The following PIGO variants were observed in gnomAD, a reference collection of about 807,000 sequenced individuals.
The protein encoded by PIGO is GPI ethanolamine phosphate transferase 3, catalytic subunit.
PIGO carries 66 observed loss-of-function variants against 86.9 expected under a neutral mutation model. That is an observed-to-expected ratio of 0.76 (90% confidence interval 0.62 to 0.93). The LOEUF (loss-of-function observed/expected upper bound fraction) is 0.93, where lower values mean the gene tolerates loss of function less well. Ranked by LOEUF, PIGO falls within the 40% of genes least tolerant of loss-of-function variation. The pLI is 0.00. For synonymous variants in PIGO, 570 were observed against 556.4 expected (o/e 1.02, Z -0.34); for missense variants, 1,202 against 1,359.1 (o/e 0.88, Z 1.82).
rs373701949 is a variant in PIGO, at chr9:35,092,333, T to C, written c.1554A>G (p.Ala518=). The change falls in exon 7 of 11, where the codon GCA becomes GCG. Residue 518 remains alanine, a synonymous_variant. Coordinates refer to ENST00000378617, the MANE Select transcript of PIGO (RefSeq NM_032634.4). Reference sequence around the variant, plus strand: ...ACAGAAAAGGGAGGAATGAGCTCACTGCAGCCACAGCCCCTAGAAGCACTA... The same window carrying C: ...ACAGAAAAGGGAGGAATGAGCTCACCGCAGCCACAGCCCCTAGAAGCACTA... ...LDLVLLGAVA[A]VSSFLPFLWK... is the part of the protein sequence containing the mutation. The C allele has an allele frequency of 3.3e-5, 53 of 1,614,102 alleles. No individual in the cohort carries two copies. The highest frequency in any genetic ancestry group is 4.2e-5 in the Non-Finnish European group (49 of 1,180,048).
At chr9:35,093,811 G>GAATT in intron 4 of PIGO, 90 bp downstream of exon 4, 2 of 1,557,144 alleles carry the variant, frequency 1.3e-6, no homozygotes. Context: ...AGAGAAGACA[G>GAATT]AATTCAGCCA....
Position 35,088,887 on chromosome 9 carries a change from T to C in PIGO, c.*205A>G. ...GAGACCGCCCCCCTTGTCCCTCAGATGCATCCAAATCAGGAGTTAGGGATC... is the reference window on the plus strand; with the variant it reads ...GAGACCGCCCCCCTTGTCCCTCAGACGCATCCAAATCAGGAGTTAGGGATC... On this transcript the variant is annotated 3_prime_UTR_variant, in exon 11 of 11. Transcript: ENST00000378617. The C allele has an allele frequency of 1.5e-6, 1 of 670,692 alleles. No homozygotes were observed. 41.5% of individuals were successfully genotyped at this position (670,692 alleles called of 1,614,324 possible).
At chr9:35,093,657 G>T in intron 4 of PIGO, 77 bp from the exon 5 acceptor site, 1 of 1,478,046 alleles carries the variant, frequency 6.8e-7, no homozygotes, top group Non-Finnish European at 9.0e-7. Flanking sequence ...TTTCTCCAGG[G>T]GCCTATTCAT....
intron 5 of PIGO, 65 bp from the exon 6 acceptor site, chr9:35,093,274 G>A (rs749249709): frequency 6.3e-7 from 1 of 1,578,132 alleles, no homozygotes; most frequent in East Asian, 2.3e-5. Flanking sequence ...TGGGATGGCA[G>A]ACATAGGGGC....
In PIGO at chr9:35,090,450, AAGG is replaced by A. The variant is rs750647319; in HGVS notation, c.2854+13_2854+15del. 1 of 1,601,706 alleles carries A rather than the reference AAGG, an allele frequency of 6.2e-7. No homozygotes were observed. Among genetic ancestry groups the A allele is most frequent in the South Asian group, 1.1e-5 (1 of 90,312 alleles). ...CCAGAGTAAACAATGGAAGCAAGTG[AAGG>A]AGGAGGGGGTACCTGCAAAGAGGAG... On this transcript the variant is annotated intron_variant, in intron 8 of 10. Coordinates refer to ENST00000378617, the MANE Select transcript of PIGO (RefSeq NM_032634.4).
At position 35,094,925 on chromosome 9, in the gene PIGO, TTTC is replaced by T. The variant is rs1032223478; in HGVS notation, c.511+127_511+129del. The T allele has an allele frequency of 1.6e-4, 216 of 1,312,006 alleles. No homozygotes were observed. In the African/African-American group the frequency reaches 2.7e-3, roughly 16 times the overall value. 81.3% of individuals were successfully genotyped at this position (1,312,006 alleles called of 1,614,324 possible). On this transcript the variant is annotated intron_variant, in intron 2 of 10. Coordinates refer to ENST00000378617, the MANE Select transcript of PIGO (RefSeq NM_032634.4). Reference sequence around the variant, plus strand: ...TCCCTACCAGCAGGGCCCTGGCCTCTTTCTTCTCCTCTGTCCCCCTACACCATA... The same window carrying T: ...TCCCTACCAGCAGGGCCCTGGCCTCTTTCTCCTCTGTCCCCCTACACCATA...
chr9:35,092,541 AC>A lies in PIGO; in HGVS notation c.1345del (p.Val449SerfsTer36). 6.2e-7 allele frequency: 1 copy of A among 1,614,202 alleles called. No homozygotes were observed. Among genetic ancestry groups the A allele is most frequent in the Non-Finnish European group, 8.5e-7 (1 of 1,180,014 alleles). On this transcript the variant is annotated frameshift_variant, in exon 7 of 11. Transcript: ENST00000378617. LOFTEE classifies it high-confidence loss of function. Reference protein sequence around the residue: ...CIESWARFSLVRMAGGTALLA... With the variant: ...CIESWARFSLXRMAGGTALLA... ...GAGAGCAGTACCCCCCGCCATGCGG[AC>A]CAGAGAGAAACGAGCCCAAGACTCG...
Position 35,089,088 on chromosome 9 carries a change from T to A in PIGO, c.*4A>T. 1 of 1,614,124 alleles carries A rather than the reference T, an allele frequency of 6.2e-7. No homozygotes were observed. Among genetic ancestry groups the A allele is most frequent in the East Asian group, 2.2e-5 (1 of 44,884 alleles). On this transcript the variant is annotated 3_prime_UTR_variant, in exon 11 of 11. Transcript: ENST00000378617. ...TAGCCAAGTGCCAGTAATCACAGAC[T>A]AGGCTACCTCTGCTGGGCCAGAAAT... is the stretch of plus-strand genomic sequence containing the variant.
chr9:35,093,352 A>T, intron 5 of PIGO, 69 bp downstream of exon 5: 3 of 1,604,270 alleles, frequency 1.9e-6, no homozygotes, highest in Non-Finnish European at 2.6e-6. Flanking sequence ...AGAGGTATTC[A>T]TGAGGATGCT....
chr9:35,095,781 A>C (rs577298886), intron 1 of PIGO: 41 of 579,318 alleles, frequency 7.1e-5, no homozygotes, highest in African/African-American at 6.4e-4. Context: ...TGGGAGGCCG[A>C]GGCGGGCGGA....
chr9:35,091,528 G>T lies in PIGO; in HGVS notation c.2359C>A (p.Pro787Thr). Residue 787 changes from proline (P) to threonine (T), a missense_variant, in exon 7 of 11, where the codon CCC becomes ACC. Pro to Thr is a conservative substitution (Grantham distance 38). Coordinates refer to ENST00000378617, the MANE Select transcript of PIGO (RefSeq NM_032634.4). ...TAATCCAAGTCAGCTTGAGAAGTGG[G>T]GGGGCCTGAGAAGGGAGTGAGGACA... ...RTVLTPFSGP[P>T]TSQADLDYVV... 1 of 1,614,178 alleles carries T rather than the reference G, an allele frequency of 6.2e-7. No homozygotes were observed. Among genetic ancestry groups the T allele is most frequent in the Non-Finnish European group, 8.5e-7 (1 of 1,180,038 alleles).
intron 7 of PIGO, 41 bp from the exon 8 acceptor site, chr9:35,090,713 C>A (rs368591603): frequency 1.3e-6 from 2 of 1,586,132 alleles, no homozygotes; most frequent in African/African-American, 1.3e-5. Context: ...ACTTCTTATT[C>A]CCTAATCCAT....
rs1385641486 is a variant in PIGO at position 35,088,931 on chromosome 9, G to A, written c.*161C>T. ...AGGGATCATACTCCACTGTGGTCCT[G>A]AATTATAGAATAATGAAGTCCTAGA... On this transcript the variant is annotated 3_prime_UTR_variant, in exon 11 of 11. Transcript: ENST00000378617. The A allele has an allele frequency of 4.0e-6, 4 of 1,005,460 alleles. No individual in the cohort carries two copies. The highest frequency in any genetic ancestry group is 1.6e-5 in the South Asian group (1 of 63,348). The allele number at this position is 1,005,460 out of a possible 1,614,324, so 62.3% of individuals were successfully genotyped here.
At position 35,091,806 on chromosome 9, in the gene PIGO, A is replaced by G. The variant is rs1218586312; in HGVS notation, c.2081T>C (p.Leu694Pro). ...VRLWLRRYGN[L>P]KSPEPPMLFV... ...GAGCATGGGTGGCTCGGGGCTCTTG[A>G]GATTACCATAGCGGCGAAGCCACAA... The change falls in exon 7 of 11, where the codon CTC (leucine) becomes CCC (proline). Residue 694 changes from leucine to proline, a missense_variant. Coordinates refer to ENST00000378617, the MANE Select transcript of PIGO (RefSeq NM_032634.4). 2 of 1,613,436 alleles carry G rather than the reference A, an allele frequency of 1.2e-6. No individual in the cohort carries two copies.
intron 9 of PIGO, 89 bp downstream of exon 9, chr9:35,089,977 G>T (rs1166393575): frequency 6.6e-7 from 1 of 1,512,096 alleles, no homozygotes; most frequent in African/African-American, 1.4e-5. Flanking sequence ...CTCAGTCAAG[G>T]CTCTCTCCCA....
chr9:35,090,424 G>A, intron 8 of PIGO, 42 bp downstream of exon 8: 1 of 1,579,322 alleles, frequency 6.3e-7, no homozygotes, highest in African/African-American at 1.4e-5. Flanking sequence ...TTTCCACAAA[G>A]CCAGAGTAAA....
Position 35,096,219 on chromosome 9 carries a change from G to C in PIGO, c.-66C>G, listed in dbSNP as rs1394141987. On this transcript the variant is annotated 5_prime_UTR_variant, in exon 1 of 11. Coordinates refer to ENST00000378617, the MANE Select transcript of PIGO (RefSeq NM_032634.4). ...CCAGTGGAAAGGGATCGAAGCCGCA[G>C]GGGAATCCGGGCCCAGCCGACGGCG... 6.6e-6 allele frequency: 1 copy of C among 152,250 alleles called. No individual in the cohort carries two copies. The highest frequency in any genetic ancestry group is 2.4e-5 in the African/African-American group (1 of 41,460). The allele number at this position is 152,250 out of a possible 1,614,324, so 9.4% of individuals were successfully genotyped here.
chr9:35,092,813 T>C, intron 6 of PIGO, 46 bp from the exon 7 acceptor site: 2 of 1,513,892 alleles, frequency 1.3e-6, no homozygotes, highest in Non-Finnish European at 1.8e-6. Context: ...GTCAGAGACA[T>C]AAATTGGGGC....
intron 7 of PIGO, 21 bp downstream of exon 7, chr9:35,091,219 A>T (rs1349574430): frequency 6.4e-7 from 1 of 1,559,540 alleles, no homozygotes; most frequent in African/African-American, 1.4e-5. Context: ...TCTTTAAGTG[A>T]ATCAGAGCTG....
Sources: allele counts gnomAD v4.1 joint callset, GRCh38; gene constraint gnomAD v4.1.1; transcripts MANE v1.5; gene names NCBI Gene and HGNC (gene_info 2026-07-23, HGNC 2026-07-21).